The following SPATA6 variants were observed in gnomAD, a reference collection of about 807,000 sequenced individuals.
The protein encoded by SPATA6 is spermatogenesis-associated protein 6.
Under a neutral mutation model 65.3 loss-of-function variants are expected in SPATA6, and 56 were observed. The ratio of observed to expected loss-of-function variants is 0.86; its 90% confidence interval spans 0.69 to 1.07. SPATA6 has a LOEUF of 1.07. Among genes scored for constraint, SPATA6 ranks in the 50% least tolerant of loss-of-function variants. The probability of loss-of-function intolerance (pLI) is 0.00; values close to 1 mark genes in which losing one functional copy is unlikely to be tolerated. For synonymous variants in SPATA6, 199 were observed against 213.2 expected, an observed-to-expected ratio of 0.93 and a Z score of 0.58; for missense variants, 590 against 594.8, an observed-to-expected ratio of 0.99 and a Z score of 0.08.
At position 48,420,404 on chromosome 1, in the gene SPATA6, G is replaced by C. The variant is rs536164688; in HGVS notation, c.239-7253C>G. ...AGGATCACGGGAACCCCAACTTCAAGCCAGTCAGGAGGAAGTTCCAGCCTG... is the reference window on the plus strand; with the variant it reads ...AGGATCACGGGAACCCCAACTTCAACCCAGTCAGGAGGAAGTTCCAGCCTG... On this transcript the variant is annotated intron_variant, in intron 3 of 12. Coordinates refer to ENST00000371847, the MANE Select transcript of SPATA6 (RefSeq NM_019073.4). Among the ~76,000 whole-genome samples the C allele has an allele frequency of 1.2e-4, 18 of 152,288 alleles. No individual in the cohort carries two copies. The South Asian group carries it at 3.3e-3, about 28-fold the overall frequency.
chr1:48,286,640 T>A, the SPATA6 span, among the ~76,000 whole-genome samples: 1 of 152,218 alleles, frequency 6.6e-6, no homozygotes, highest in Non-Finnish European at 1.5e-5. Context: ...GATGCCTTTT[T>A]AAAATTTTGA....
At chr1:48,364,062 T>A (rs1048336668) in intron 9 of SPATA6, among the ~76,000 whole-genome samples, 4 of 152,178 alleles carry the variant, frequency 2.6e-5, no homozygotes, top group Non-Finnish European at 4.4e-5. Flanking sequence ...TTTGGTTTTT[T>A]GTCCTTGCGA....
intron 11 of SPATA6, among the ~76,000 whole-genome samples, chr1:48,314,120 T>C (rs940440596): frequency 8.5e-5 from 13 of 152,056 alleles, no homozygotes; most frequent in Admixed American, 7.9e-4. Context: ...CTGTCAACAT[T>C]AGACAGATCA....
At chr1:48,465,015 A>G (rs530649681) in intron 1 of SPATA6, among the ~76,000 whole-genome samples, 1 of 152,210 alleles carries the variant, frequency 6.6e-6, no homozygotes, top group Non-Finnish European at 1.5e-5. Context: ...AATGAAAAAC[A>G]TGCAGTACTA....
intron 3 of SPATA6, among the ~76,000 whole-genome samples, chr1:48,422,298 C>G (rs926819665): frequency 2.6e-5 from 4 of 152,178 alleles, no homozygotes; most frequent in African/African-American, 9.6e-5. Flanking sequence ...AAGCCAAGAT[C>G]TGGGAGAAGG....
intron 9 of SPATA6, among the ~76,000 whole-genome samples, chr1:48,365,173 A>C (rs144550611): frequency 3.9e-4 from 59 of 151,922 alleles, no homozygotes; most frequent in African/African-American, 8.5e-4. Context: ...TGTTTTGGTA[A>C]CAGTACCATG....
At chr1:48,422,197 C>A (rs1653409728) in intron 3 of SPATA6, among the ~76,000 whole-genome samples, 1 of 152,144 alleles carries the variant, frequency 6.6e-6, no homozygotes, top group African/African-American at 2.4e-5. Flanking sequence ...GCAGACCAAT[C>A]ATTCTAAAAA....
chr1:48,327,148 C>T (rs987407270), intron 11 of SPATA6, among the ~76,000 whole-genome samples: 1 of 151,928 alleles, frequency 6.6e-6, no homozygotes, highest in African/African-American at 2.4e-5. Context: ...CTCCCACACA[C>T]ACTAAAAAAA....
At chr1:48,366,435 C>T (rs1279531754) in intron 9 of SPATA6, among the ~76,000 whole-genome samples, 1 of 152,046 alleles carries the variant, frequency 6.6e-6, no homozygotes, top group Non-Finnish European at 1.5e-5. Flanking sequence ...CATGGACTCT[C>T]TTTGGTTGGT....
chr1:48,369,882 A>T (rs1038436801), intron 9 of SPATA6, among the ~76,000 whole-genome samples: 4 of 152,174 alleles, frequency 2.6e-5, no homozygotes, highest in Non-Finnish European at 5.9e-5. Flanking sequence ...TCACGCTGGG[A>T]GCTGTAGACC....
intron 3 of SPATA6, among the ~76,000 whole-genome samples, chr1:48,442,746 C>T (rs915282053): frequency 2.0e-5 from 1 of 48,840 alleles, no homozygotes; most frequent in Non-Finnish European, 4.4e-5. Context: ...AAAAAAAAAA[C>T]AGTGTACCCT....
At chr1:48,359,817 A>T in intron 9 of SPATA6, 47 bp from the exon 10 acceptor site, 1 of 1,395,442 alleles carries the variant, frequency 7.2e-7, no homozygotes, top group Non-Finnish European at 9.8e-7. Flanking sequence ...ACAGATACAT[A>T]TGTATATAAC....
At position 48,355,721 on chromosome 1, in the gene SPATA6, G is replaced by C; in HGVS notation, c.1143C>G (p.Asp381Glu). Reference protein sequence around the residue: ...CSPSNCDEIHDRVKNVLKSHQ... With the variant: ...CSPSNCDEIHERVKNVLKSHQ... ...GTGATTTCAAGACATTTTTTACCCGGTCATGGATCTCATCGCAGTTTGAAG... is the reference window on the plus strand; with the variant it reads ...GTGATTTCAAGACATTTTTTACCCGCTCATGGATCTCATCGCAGTTTGAAG... The change falls in exon 11 of 13, where the codon GAC (aspartate) becomes GAG (glutamate). Residue 381 changes from aspartate (D) to glutamate (E), a missense_variant. Coordinates refer to ENST00000371847, the MANE Select transcript of SPATA6 (RefSeq NM_019073.4). 1 of 1,613,098 alleles carries C rather than the reference G, an allele frequency of 6.2e-7. No individual in the cohort carries two copies. Among genetic ancestry groups the C allele is most frequent in the Non-Finnish European group, 8.5e-7 (1 of 1,179,434 alleles).
At chr1:48,432,628 C>T (rs1364397337) in intron 3 of SPATA6, among the ~76,000 whole-genome samples, 1 of 152,090 alleles carries the variant, frequency 6.6e-6, no homozygotes, top group African/African-American at 2.4e-5. Context: ...CAACAGAAAA[C>T]AACAAGTGTT....
chr1:48,272,299 T>C, the SPATA6 span, among the ~76,000 whole-genome samples: 1 of 152,178 alleles, frequency 6.6e-6, no homozygotes, highest in African/African-American at 2.4e-5. Context: ...AAGTTATTCA[T>C]CTTTCATAGC....
At chr1:48,313,501 T>C (rs1048403481) in intron 11 of SPATA6, among the ~76,000 whole-genome samples, 9 of 152,072 alleles carry the variant, frequency 5.9e-5, no homozygotes, top group African/African-American at 1.9e-4. Context: ...TGCTGAGAGA[T>C]TTTGTCACCA....
At chr1:48,277,395 C>T in the SPATA6 span, among the ~76,000 whole-genome samples, 243 of 152,270 alleles carry the variant, frequency 1.6e-3, 4 homozygotes, top group African/African-American at 5.4e-3. Context: ...ACTTGGGAAG[C>T]GCAAGGGGTC....
chr1:48,396,627 C>A (rs1029416503), intron 7 of SPATA6, among the ~76,000 whole-genome samples: 5 of 151,546 alleles, frequency 3.3e-5, no homozygotes, highest in Admixed American at 2.0e-4. Context: ...CATAGATGAA[C>A]CTTTATGAAT....
chr1:48,441,445 G>T (rs754593381), intron 3 of SPATA6, among the ~76,000 whole-genome samples: 6 of 152,166 alleles, frequency 3.9e-5, no homozygotes, highest in African/African-American at 1.4e-4. Flanking sequence ...TTCTTGTTAT[G>T]CCTGAAAGTC....
Sources: gnomAD v4.1 joint callset for allele counts (sites outside exome capture counted in the v4.1 genomes callset) on GRCh38, gnomAD v4.1.1 for gene constraint, MANE v1.5 for transcripts, NCBI Gene and HGNC (gene_info 2026-07-23, HGNC 2026-07-21) for gene names.